The following PPEF1 variants were observed in gnomAD, a reference collection of about 807,000 sequenced individuals.
The protein encoded by PPEF1 is protein phosphatase with EF-hand domain 1, also known as serine/threonine-protein phosphatase with EF-hands 1.
Under a neutral mutation model 53.3 loss-of-function variants are expected in PPEF1, and 12 were observed. The observed-to-expected ratio is 0.23, with a 90% confidence interval of 0.14 to 0.36. The LOEUF (loss-of-function observed/expected upper bound fraction) is 0.36. Ranked by LOEUF, PPEF1 falls within the 10% of genes least tolerant of loss-of-function variation. The pLI, the probability that PPEF1 is intolerant of heterozygous loss-of-function variation, is 1.00. For missense variants in PPEF1, 334 were observed against 490.4 expected, an observed-to-expected ratio of 0.68 and a Z score of 3.01; for synonymous variants, 165 against 176.7, an observed-to-expected ratio of 0.93 and a Z score of 0.52.
intron 10 of PPEF1, among the ~76,000 whole-genome samples, chrX:18,796,001 G>A (rs916506487): frequency 3.6e-5 from 4 of 112,155 alleles, no homozygotes; most frequent in African/African-American, 1.3e-4. Flanking sequence ...TGTCACCCAG[G>A]CTGGAGTGCA....
chrX:18,793,304 C>G (rs1169239702), intron 10 of PPEF1, among the ~76,000 whole-genome samples: 3 of 110,671 alleles, frequency 2.7e-5, no homozygotes, highest in African/African-American at 9.8e-5. Flanking sequence ...ATTTCTTTAA[C>G]TTATCTGTTA....
intron 1 of PPEF1, among the ~76,000 whole-genome samples, chrX:18,683,930 G>A (rs770512252): frequency 1.9e-4 from 21 of 112,220 alleles, no homozygotes; most frequent in South Asian, 3.7e-4. Flanking sequence ...CTTGTGAAAT[G>A]AATAATAAAA....
At chrX:18,786,173 C>T (rs2046194454) in intron 9 of PPEF1, among the ~76,000 whole-genome samples, 1 of 111,686 alleles carries the variant, frequency 9.0e-6, no homozygotes, top group African/African-American at 3.3e-5. Flanking sequence ...CCAGATTGAA[C>T]ACTTTTGCTT....
At chrX:18,758,563 A>G (rs374015504) in intron 5 of PPEF1, among the ~76,000 whole-genome samples, 1 of 111,680 alleles carries the variant, frequency 9.0e-6, no homozygotes, top group South Asian at 3.8e-4. Context: ...ACCTCATCAC[A>G]TGCCCTGACT....
In PPEF1 at chrX:18,779,104, T is replaced by C; in HGVS notation, c.653T>C (p.Val218Ala). ...NSIEILMILC[V>A]SFLVYPNDLH... ...ATAGAGATCCTAATGATCCTGTGTG[T>C]GAGTTTTCTTGTCTACCCCAATGAC... The change falls in exon 7 of 16, where the codon GTG (valine) becomes GCG (alanine). Residue 218 changes from valine to alanine, a missense_variant. By Grantham distance (64) the Val-to-Ala change is moderately conservative (BLOSUM62 0). Coordinates refer to ENST00000470157, the MANE Select transcript of PPEF1 (RefSeq NM_001377996.1). The C allele has an allele frequency of 8.3e-7, 1 of 1,206,730 alleles. No individual in the cohort carries two copies. Among genetic ancestry groups the C allele is most frequent in the Non-Finnish European group, 1.1e-6 (1 of 891,179 alleles).
In PPEF1 at chrX:18,736,998, C is replaced by T. The variant is rs185890139; in HGVS notation, c.235+3190C>T. ...ATATCCCCTTTATCATTTTTTATTA[C>T]GTCTGTTTGATTCTTCTCTCTTTTC... On this transcript the variant is annotated intron_variant, in intron 3 of 15. Transcript: ENST00000470157. Among the ~76,000 whole-genome samples the T allele has an allele frequency of 2.1e-4, 23 of 110,277 alleles. No individual in the cohort carries two copies. The East Asian group carries it at 6.5e-3, about 31-fold the overall frequency.
intron 12 of PPEF1, among the ~76,000 whole-genome samples, chrX:18,811,897 A>G (rs891459429): frequency 1.8e-5 from 2 of 110,804 alleles, no homozygotes; most frequent in Non-Finnish European, 1.9e-5. Context: ...GTGAGCCACC[A>G]CGACTGGCCA....
chrX:18,678,414 G>A (rs147086850), upstream of PPEF1, among the ~76,000 whole-genome samples: 33 of 111,691 alleles, frequency 3.0e-4, no homozygotes, highest in African/African-American at 9.8e-4. Context: ...TCCAGCCTGG[G>A]CGACAGAGTG....
intron 2 of PPEF1, among the ~76,000 whole-genome samples, chrX:18,685,467 C>A (rs369358239): frequency 9.0e-6 from 1 of 111,005 alleles, no homozygotes; most frequent in Non-Finnish European, 1.9e-5. Flanking sequence ...GGGTGGATCA[C>A]GAGGTCAGGA....
chrX:18,733,835 A>T, intron 3 of PPEF1, 27 bp downstream of exon 3: 1 of 1,083,416 alleles, frequency 9.2e-7, no homozygotes, highest in Non-Finnish European at 1.2e-6. Context: ...GTCTTTTCAA[A>T]TGTGTCATTA....
At chrX:18,693,938 C>A (rs1196700925) in intron 4 of PPEF1, among the ~76,000 whole-genome samples, 1 of 111,525 alleles carries the variant, frequency 9.0e-6, no homozygotes, top group African/African-American at 3.3e-5. Context: ...GAACATGCCC[C>A]CCAAAACTCC....
chrX:18,676,074 C>G (rs1476247808), exon 1 of PPEF1: 2 of 108,541 alleles, frequency 1.8e-5, no homozygotes, highest in Non-Finnish European at 3.8e-5. Context: ...GATTTTGTGG[C>G]AGGAACTCCC....
At chrX:18,753,232 GA>G (rs1321699876) in intron 4 of PPEF1, among the ~76,000 whole-genome samples, 1 of 87 alleles carries the variant, frequency 0.011, no homozygotes, top group Non-Finnish European at 0.022. Flanking sequence ...GTAATTTGTG[GA>G]GTTTCTAAGA....
At chrX:18,678,842 C>T (rs1602331315), upstream of PPEF1, among the ~76,000 whole-genome samples, 1 of 110,772 alleles carries the variant, frequency 9.0e-6, no homozygotes. Flanking sequence ...TCAGAGGTCT[C>T]GGTGCTTGGA....
At chrX:18,806,120 A>G (rs776509374) in intron 11 of PPEF1, among the ~76,000 whole-genome samples, 1 of 111,438 alleles carries the variant, frequency 9.0e-6, no homozygotes, top group South Asian at 3.8e-4. Context: ...CAAACATTAA[A>G]GAGGATTCTG....
At chrX:18,768,092 C>G (rs773729897) in intron 6 of PPEF1, among the ~76,000 whole-genome samples, 1 of 111,864 alleles carries the variant, frequency 8.9e-6, no homozygotes, top group Non-Finnish European at 1.9e-5. Context: ...TCAGTGTAAC[C>G]ACAGGCTCCT....
chrX:18,825,899 CA>C, intron 15 of PPEF1, 64 bp downstream of exon 15: 1 of 772,129 alleles, frequency 1.3e-6, no homozygotes, highest in East Asian at 3.4e-5. Context: ...GTTGGGGATA[CA>C]AAATGAGTAC....
chrX:18,755,805 A>T (rs1461642523), intron 4 of PPEF1, among the ~76,000 whole-genome samples: 2 of 111,428 alleles, frequency 1.8e-5, no homozygotes, highest in African/African-American at 6.5e-5. Context: ...CGTACAATAT[A>T]TGTGGCCTTT....
At chrX:18,680,204 TTGCTGCTGCTGC>T (rs757808484), upstream of PPEF1, among the ~76,000 whole-genome samples, 26 of 109,980 alleles carry the variant, frequency 2.4e-4, no homozygotes, top group African/African-American at 5.3e-4. Context: ...CTCGGGGCCT[TTGCTGCTGCTGC>T]TGCTGCTGCT....
Sources: gnomAD v4.1 joint callset for allele counts (sites outside exome capture counted in the v4.1 genomes callset) on GRCh38, gnomAD v4.1.1 for gene constraint, MANE v1.5 for transcripts, NCBI Gene and HGNC (gene_info 2026-07-23, HGNC 2026-07-21) for gene names.